The following PRKDC variants were observed in gnomAD, a reference collection of about 807,000 sequenced individuals.
PRKDC encodes the protein protein kinase, DNA-activated, catalytic subunit.
A neutral mutation model predicts 486.9 loss-of-function variants in PRKDC; 82 were observed. The observed-to-expected ratio is 0.17, with a 90% confidence interval of 0.14 to 0.20. The LOEUF (loss-of-function observed/expected upper bound fraction) is 0.20, where lower values mean the gene tolerates loss of function less well. PRKDC is among the 10% of genes least tolerant of loss of function. PRKDC has a pLI of 1.00. For missense variants in PRKDC, 4,504 were observed against 5,038.2 expected, an observed-to-expected ratio of 0.89 and a Z score of 3.21; for synonymous variants, 1,895 against 1,837.0, an observed-to-expected ratio of 1.03 and a Z score of -0.81.
At chr8:47,888,209 T>G (rs1563786718) in intron 34 of PRKDC, among the ~76,000 whole-genome samples, 1 of 152,224 alleles carries the variant, frequency 6.6e-6, no homozygotes, top group Non-Finnish European at 1.5e-5. Context: ...ATTCTTCATT[T>G]GTGTTGTCTT....
intron 37 of PRKDC, 124 bp downstream of exon 37, chr8:47,881,788 T>C: frequency 2.3e-6 from 2 of 851,808 alleles, no homozygotes; most frequent in Non-Finnish European, 1.7e-6. Flanking sequence ...GCAACCATCC[T>C]GTCAAAATAT....
intron 21 of PRKDC, among the ~76,000 whole-genome samples, chr8:47,924,980 C>T (rs1204566716): frequency 6.6e-6 from 1 of 152,210 alleles, no homozygotes; most frequent in Non-Finnish European, 1.5e-5. Context: ...CATCGCCCTT[C>T]TCACCCTGCC....
rs2087151835 is a variant in PRKDC at position 47,803,454 on chromosome 8, T to C, written c.9774A>G (p.Leu3258=). The change falls in exon 70 of 86, where the codon CTA becomes CTG. Residue 3258 remains leucine, a synonymous_variant. Transcript: ENST00000314191. ...TTGACTCTTTATGCAGCTCCTTCAG[T>C]AGTTTCATAGCAAGTGAGAAATTGT... is the stretch of plus-strand genomic sequence containing the variant. ...KQNNFSLAMK[L]LKELHKESKT... The C allele has an allele frequency of 3.1e-6, 5 of 1,613,984 alleles. No homozygotes were observed. Among genetic ancestry groups the C allele is most frequent in the South Asian group, 1.1e-5 (1 of 91,090 alleles).
At chr8:47,915,999 T>C (rs1186801935) in intron 22 of PRKDC, among the ~76,000 whole-genome samples, 1 of 152,232 alleles carries the variant, frequency 6.6e-6, no homozygotes, top group Non-Finnish European at 1.5e-5. Flanking sequence ...TCTTGCACTT[T>C]GAGTGGATTT....
intron 11 of PRKDC, among the ~76,000 whole-genome samples, chr8:47,938,480 A>G (rs764089511): frequency 9.2e-5 from 14 of 152,166 alleles, no homozygotes; most frequent in Non-Finnish European, 1.9e-4. Flanking sequence ...AGGAAGAAAA[A>G]AGAAATCAGT....
chr8:47,800,249 A>T (rs1296262470), intron 71 of PRKDC, among the ~76,000 whole-genome samples: 1 of 152,042 alleles, frequency 6.6e-6, no homozygotes, highest in African/African-American at 2.4e-5. Context: ...AAAATGTGGC[A>T]CATATACACC....
chr8:47,778,400 T>C (rs1279003085), intron 83 of PRKDC, 59 bp downstream of exon 83: 110 of 1,535,042 alleles, frequency 7.2e-5, no homozygotes, highest in South Asian at 9.6e-5. Flanking sequence ...CTGGAGGTTG[T>C]TGAAAGTCCT....
intron 56 of PRKDC, 23 bp from the exon 57 acceptor site, chr8:47,837,442 T>C (rs899008570): frequency 1.9e-6 from 3 of 1,544,440 alleles, no homozygotes; most frequent in African/African-American, 2.7e-5. Flanking sequence ...GAGAAAAAAG[T>C]ATATTGCTTA....
chr8:47,778,643 A>G lies in PRKDC; in HGVS notation c.11669T>C (p.Met3890Thr). The G allele has an allele frequency of 6.2e-7, 1 of 1,613,492 alleles. No homozygotes were observed. ...CAGGAAAGCCTCAGGGCTTGTACTC[A>G]TCCTCACGAAGGCCCGCCTACAAAA... ...ADLLKRAFVR[M>T]STSPEAFLAL... Residue 3890 changes from methionine to threonine, a missense_variant, in exon 83 of 86, where the codon ATG becomes ACG. By Grantham distance (81) the Met-to-Thr change is moderately conservative. Coordinates refer to ENST00000314191, the MANE Select transcript of PRKDC (RefSeq NM_006904.7).
chr8:47,801,619 G>A (rs1280809285), intron 70 of PRKDC, among the ~76,000 whole-genome samples: 1 of 152,250 alleles, frequency 6.6e-6, no homozygotes, highest in African/African-American at 2.4e-5. Flanking sequence ...TAGGAAATGG[G>A]TACTAATGTG....
intron 18 of PRKDC, 94 bp downstream of exon 18, chr8:47,929,758 AC>A: frequency 7.7e-7 from 1 of 1,290,792 alleles, no homozygotes; most frequent in Non-Finnish European, 1.0e-6. Context: ...AGACTTTAAA[AC>A]TGCATAGGCC....
At chr8:47,845,409 G>C (rs1336549981) in intron 54 of PRKDC, among the ~76,000 whole-genome samples, 8 of 152,200 alleles carry the variant, frequency 5.3e-5, no homozygotes, top group Admixed American at 5.2e-4. Context: ...GGGAGACAGA[G>C]ACAGACAGAC....
At chr8:47,881,336 A>G in intron 38 of PRKDC, 80 bp downstream of exon 38, 1 of 905,770 alleles carries the variant, frequency 1.1e-6, no homozygotes, top group Non-Finnish European at 1.7e-6. Flanking sequence ...TTCCATAATA[A>G]AAAATAAAAA....
At chr8:47,924,676 C>T (rs2090126114) in intron 21 of PRKDC, among the ~76,000 whole-genome samples, 1 of 152,098 alleles carries the variant, frequency 6.6e-6, no homozygotes, top group Admixed American at 6.5e-5. Context: ...CTTCAGTGGC[C>T]AGAGTACATG....
intron 74 of PRKDC, among the ~76,000 whole-genome samples, chr8:47,790,894 C>A (rs1160834613): frequency 6.6e-6 from 1 of 152,120 alleles, no homozygotes; most frequent in Non-Finnish European, 1.5e-5. Flanking sequence ...TATCTCTCAC[C>A]ACATACAAAA....
intron 7 of PRKDC, 135 bp downstream of exon 7, chr8:47,953,485 C>T: frequency 1.2e-6 from 1 of 862,678 alleles, no homozygotes; most frequent in Non-Finnish European, 1.9e-6. Context: ...CGGGAGGGCC[C>T]ACAGGTCCCT....
intron 54 of PRKDC, among the ~76,000 whole-genome samples, chr8:47,846,992 A>G (rs1163437522): frequency 1.3e-5 from 2 of 152,246 alleles, no homozygotes; most frequent in Admixed American, 6.5e-5. Context: ...AACACTGCTG[A>G]AAGAAATCAG....
At position 47,918,878 on chromosome 8, in the gene PRKDC, T is replaced by C. The variant is rs371997608; in HGVS notation, c.2420-495A>G. ...CAAAGTAATACCTGATTCAGAAGAA[T>C]AGTCAGTGGATACTAAAACTATTAT... On this transcript the variant is annotated intron_variant, in intron 21 of 85. Coordinates refer to ENST00000314191, the MANE Select transcript of PRKDC (RefSeq NM_006904.7). Among the ~76,000 whole-genome samples the C allele has an allele frequency of 2.2e-4, 33 of 152,236 alleles. 1 individual carries two copies. The highest frequency in any genetic ancestry group is 6.5e-4 in the African/African-American group (27 of 41,528).
chr8:47,789,403 T>A (rs149063580), intron 74 of PRKDC, among the ~76,000 whole-genome samples, 165 bp from the exon 75 acceptor site: 2 of 151,316 alleles, frequency 1.3e-5, no homozygotes, highest in African/African-American at 4.8e-5. Flanking sequence ...TATAACCAAC[T>A]ACATAGTAAT....
Sources: allele counts gnomAD v4.1 joint callset (sites outside exome capture counted in the v4.1 genomes callset), GRCh38; gene constraint gnomAD v4.1.1; transcripts MANE v1.5; gene names NCBI Gene and HGNC (gene_info 2026-07-23, HGNC 2026-07-21).